Variants in USP4 observed in about 807,000 individuals in gnomAD.
USP4 encodes the protein ubiquitin specific peptidase 4, also known as ubiquitin carboxyl-terminal hydrolase 4.
USP4 carries 72 observed loss-of-function variants against 118.2 expected under a neutral mutation model. That is an observed-to-expected ratio of 0.61 (90% confidence interval 0.50 to 0.74). The LOEUF is 0.74. Ranked by LOEUF, USP4 falls within the 30% of genes least tolerant of loss-of-function variation. The probability of loss-of-function intolerance (pLI) is 0.00; values close to 1 mark genes in which losing one functional copy is unlikely to be tolerated. For synonymous variants in USP4, 415 were observed against 440.4 expected, an observed-to-expected ratio of 0.94 and a Z score of 0.72; for missense variants, 1,037 against 1,185.7, an observed-to-expected ratio of 0.87 and a Z score of 1.84.
In USP4 at chr3:49,278,280, C is replaced by G; in HGVS notation, c.*13G>C. The G allele has an allele frequency of 1.2e-6, 2 of 1,611,570 alleles. No homozygotes were observed. The highest frequency in any genetic ancestry group is 8.5e-7 in the Non-Finnish European group (1 of 1,179,290). On this transcript the variant is annotated 3_prime_UTR_variant, in exon 22 of 22. Transcript: ENST00000265560. ...CACTGGCGCTACAGGGTGGCAGGAT[C>G]GTGGAGTCAGCATTAGTTGGTGTCC... is the stretch of plus-strand genomic sequence containing the variant.
intron 6 of USP4, among the ~76,000 whole-genome samples, chr3:49,319,309 C>A (rs1459584139): frequency 1.3e-5 from 2 of 150,096 alleles, no homozygotes; most frequent in Non-Finnish European, 3.0e-5. Flanking sequence ...AGTGCAGTGG[C>A]GCGATCTCGG....
chr3:49,323,560 C>T (rs2047522815), intron 6 of USP4, among the ~76,000 whole-genome samples: 1 of 152,160 alleles, frequency 6.6e-6, no homozygotes, highest in Admixed American at 6.6e-5. Context: ...ATGCCTACCA[C>T]AGCTATTTTA....
At chr3:49,310,571 C>T in intron 8 of USP4, 49 bp downstream of exon 8, 1 of 1,537,572 alleles carries the variant, frequency 6.5e-7, no homozygotes, top group Non-Finnish European at 9.0e-7. Context: ...GCCACTTCCA[C>T]CCAAACCTCA....
rs773669515 is a variant in USP4 at position 49,309,943 on chromosome 3, C to CTTTTTTTTTTTTTTTTTTTT, written c.954+657_954+676dup. ...TGCTGCCCCCGGACTTTTTTTTAAT[C>CTTTTTTTTTTTTTTTTTTTT]TTTTTTTTTTTTTTTTTTTTTTTGA... On this transcript the variant is annotated intron_variant, in intron 8 of 21. Transcript: ENST00000265560. Among the ~76,000 whole-genome samples, 11 of 40,228 alleles carry CTTTTTTTTTTTTTTTTTTTT rather than the reference C, an allele frequency of 2.7e-4. 4 individuals carry two copies. Among genetic ancestry groups the CTTTTTTTTTTTTTTTTTTTT allele is most frequent in the African/African-American group, 4.6e-4 (4 of 8,718 alleles). 26.4% of individuals were successfully genotyped at this position (40,228 alleles called of 152,430 possible).
intron 8 of USP4, among the ~76,000 whole-genome samples, chr3:49,309,943 CTTTTT>C (rs773669515): frequency 0.027 from 1,098 of 40,204 alleles, 58 homozygotes; most frequent in African/African-American, 0.12. Context: ...TTTTTTTAAT[CTTTTT>C]TTTTTTTTTT....
chr3:49,284,070 CT>C lies in USP4; in HGVS notation c.2456del (p.Lys819ArgfsTer24). The part of the protein sequence containing the change: ...TKKFDLWSLP[K>X]ILVVHLKRFS... ...AACGTTTGAGGTGGACCACCAGGATCTTGGGCAAGGACCATAGGTCAAACTT... is the reference window on the plus strand; with the variant it reads ...AACGTTTGAGGTGGACCACCAGGATCTGGGCAAGGACCATAGGTCAAACTT... On this transcript the variant is annotated frameshift_variant, in exon 19 of 22. Coordinates refer to ENST00000265560, the MANE Select transcript of USP4 (RefSeq NM_003363.4). LOFTEE classifies it high-confidence loss of function. 6.2e-7 allele frequency: 1 copy of C among 1,614,252 alleles called. No individual in the cohort carries two copies. The highest frequency in any genetic ancestry group is 8.5e-7 in the Non-Finnish European group (1 of 1,180,054).
chr3:49,313,178 AC>A (rs2107789651), intron 6 of USP4, among the ~76,000 whole-genome samples: 1 of 152,268 alleles, frequency 6.6e-6, no homozygotes, highest in African/African-American at 2.4e-5. Flanking sequence ...GGTGTGAACC[AC>A]CACATCTGGA....
chr3:49,329,623 A>G (rs1367054574), intron 2 of USP4, among the ~76,000 whole-genome samples: 6 of 152,030 alleles, frequency 3.9e-5, no homozygotes, highest in Admixed American at 1.3e-4. Context: ...CTAGTCTCCA[A>G]TTCCTGGGTT....
chr3:49,280,674 G>C (rs2047013088), intron 20 of USP4, 70 bp downstream of exon 20: 1 of 1,298,066 alleles, frequency 7.7e-7, no homozygotes, highest in African/African-American at 1.5e-5. Context: ...GGCAATGCCT[G>C]GTCCACTGGT....
At chr3:49,325,161 CT>C (rs1407781934) in intron 4 of USP4, 122 bp from the exon 5 acceptor site, 34 of 1,235,946 alleles carry the variant, frequency 2.8e-5, no homozygotes, top group African/African-American at 4.5e-5. Flanking sequence ...GATCAACCCC[CT>C]GATACCTCTT....
At chr3:49,317,164 A>G in intron 6 of USP4, 1 of 1,448,796 alleles carries the variant, frequency 6.9e-7, no homozygotes, top group Non-Finnish European at 9.7e-7. Flanking sequence ...CAGGACACTG[A>G]GCAAAGTCTG....
chr3:49,321,273 A>G (rs1416132094), intron 6 of USP4, among the ~76,000 whole-genome samples: 3 of 152,150 alleles, frequency 2.0e-5, no homozygotes. Flanking sequence ...CCATTAACTT[A>G]TTAGGATCTC....
chr3:49,320,865 G>A (rs1353815621), intron 6 of USP4, among the ~76,000 whole-genome samples: 2 of 151,518 alleles, frequency 1.3e-5, no homozygotes, highest in South Asian at 2.1e-4. Flanking sequence ...TTTGCTAGTC[G>A]CCTCCTGCTA....
Position 49,284,509 on chromosome 3 carries a change from C to T in USP4, c.2347G>A (p.Glu783Lys), listed in dbSNP as rs1187312635. The change falls in exon 18 of 22, where the codon GAG becomes AAG. Residue 783 changes from glutamate to lysine, a missense_variant. Around this residue, in one of 3 missense-constraint regions of USP4, gnomAD observed 522 missense variants for 592.6 expected, o/e 0.88. Transcript: ENST00000265560. ...KTTVALRDCI[E>K]LFTTMETLGE... ...AGGGTCTCCATGGTGGTGAAGAGCT[C>T]GATGCAGTCTCTCAGGGCCACTGTG... The T allele has an allele frequency of 1.9e-6, 3 of 1,613,976 alleles. No individual in the cohort carries two copies. The highest frequency in any genetic ancestry group is 2.5e-6 in the Non-Finnish European group (3 of 1,180,036).
chr3:49,312,506 G>C (rs563823411), intron 6 of USP4: 1 of 452,870 alleles, frequency 2.2e-6, no homozygotes, highest in Admixed American at 2.4e-5. Flanking sequence ...ATGTGATGGC[G>C]CTACTCGGGA....
Position 49,278,087 on chromosome 3 carries a change from T to G in USP4, c.*206A>C, listed in dbSNP as rs1480241623. ...TCACAGAAATTTCTCACCACCTGTT[T>G]AAAAATAAAAATAATTCAGCCTCTT... On this transcript the variant is annotated 3_prime_UTR_variant, in exon 22 of 22. Transcript: ENST00000265560. 1.2e-5 allele frequency: 7 copies of G among 603,066 alleles called. No homozygotes were observed. Among genetic ancestry groups the G allele is most frequent in the Admixed American group, 3.8e-5 (1 of 26,278 alleles). 37.4% of individuals were successfully genotyped at this position (603,066 alleles called of 1,614,324 possible).
In USP4 at chr3:49,330,736, C is replaced by T. The variant is rs914387150; in HGVS notation, c.230-2920G>A. On this transcript the variant is annotated intron_variant, in intron 2 of 21. Coordinates refer to ENST00000265560, the MANE Select transcript of USP4 (RefSeq NM_003363.4). The stretch of plus-strand genomic sequence containing the variant: ...TGGAGGCTGGAGGCCGGAGGCCGGG[C>T]GCGGTGGCTCCCACCTGTAATCCCA... Among the ~76,000 whole-genome samples the T allele has an allele frequency of 8.6e-5, 13 of 151,682 alleles. No homozygotes were observed. In the South Asian group the frequency reaches 2.3e-3, roughly 27 times the overall value.
At chr3:49,313,400 T>C (rs1011122553) in intron 6 of USP4, among the ~76,000 whole-genome samples, 1 of 151,956 alleles carries the variant, frequency 6.6e-6, no homozygotes, top group Non-Finnish European at 1.5e-5. Flanking sequence ...TAGTGGCGCA[T>C]GCCTGTAATC....
At chr3:49,314,501 T>C (rs777976496) in intron 6 of USP4, among the ~76,000 whole-genome samples, 24 of 152,228 alleles carry the variant, frequency 1.6e-4, no homozygotes, top group Non-Finnish European at 2.8e-4. Context: ...TGTTCAATCC[T>C]GTCCAGTGAG....
Sources: gnomAD v4.1 joint callset for allele counts (sites outside exome capture counted in the v4.1 genomes callset) on GRCh38, gnomAD v4.1.1 for gene constraint, gnomAD v4.1.1 regional missense constraint, MANE v1.5 for transcripts, NCBI Gene and HGNC (gene_info 2026-07-23, HGNC 2026-07-21) for gene names.